The following CUX1 variants were observed in gnomAD, a reference collection of about 807,000 sequenced individuals.
CUX1 encodes the protein cut like homeobox 1.
CUX1 carries 31 observed loss-of-function variants against 158.8 expected under a neutral mutation model. The observed-to-expected ratio is 0.20, with a 90% CI of 0.15 to 0.26. CUX1 has a LOEUF of 0.26. CUX1 is among the 10% of genes least tolerant of loss of function. The pLI, the probability that CUX1 is intolerant of heterozygous loss-of-function variation, is 1.00. For synonymous variants in CUX1, 879 were observed against 862.1 expected (o/e 1.02, Z -0.34); for missense variants, 1,589 against 2,014.6 (o/e 0.79, Z 4.04).
At chr7:102,131,972 T>C (rs1833292334) in intron 8 of CUX1, among the ~76,000 whole-genome samples, 1 of 152,138 alleles carries the variant, frequency 6.6e-6, no homozygotes, top group Admixed American at 6.6e-5. Context: ...ACGCTCAGTT[T>C]AGATGTTTAA....
intron 3 of CUX1, among the ~76,000 whole-genome samples, chr7:102,032,175 C>T (rs1328193097): frequency 2.0e-5 from 3 of 151,976 alleles, no homozygotes; most frequent in African/African-American, 4.8e-5. Context: ...GTGATCCGCC[C>T]GCCTCAGCCT....
intron 1 of CUX1, chr7:101,913,193 GC>G (rs1803696260): frequency 3.5e-6 from 1 of 285,754 alleles, no homozygotes. Context: ...AAGATTTCAA[GC>G]CTTAAATCTG....
At chr7:102,166,613 C>A (rs1791065462) in intron 9 of CUX1, among the ~76,000 whole-genome samples, 1 of 152,178 alleles carries the variant, frequency 6.6e-6, no homozygotes, top group African/African-American at 2.4e-5. Flanking sequence ...GCCTCAGCTG[C>A]CAATGATGGG....
intron 2 of CUX1, among the ~76,000 whole-genome samples, chr7:102,017,164 C>T (rs371346623): frequency 1.7e-4 from 26 of 151,442 alleles, no homozygotes; most frequent in African/African-American, 5.8e-4. Context: ...ATTAGCCTGA[C>T]GTGGTAGTGG....
intron 11 of CUX1, among the ~76,000 whole-genome samples, chr7:102,187,245 G>C (rs929685738): frequency 6.6e-6 from 1 of 151,382 alleles, no homozygotes; most frequent in African/African-American, 2.4e-5. Context: ...CTGGAATCTC[G>C]GCACTTTGAG....
intron 8 of CUX1, among the ~76,000 whole-genome samples, chr7:102,144,347 G>A (rs1554501283): frequency 6.6e-6 from 1 of 151,842 alleles, no homozygotes; most frequent in East Asian, 1.9e-4. Context: ...AATTTCCGAC[G>A]TACGCGTGAC....
intron 2 of CUX1, among the ~76,000 whole-genome samples, chr7:101,965,405 C>T (rs1430117298): frequency 6.6e-6 from 1 of 152,118 alleles, no homozygotes; most frequent in East Asian, 1.9e-4. Context: ...CCTCCCAGAC[C>T]TGTTCTCCTT....
In CUX1 at chr7:102,256,864, T is replaced by C. The variant is rs1789952429; in HGVS notation, c.*7822T>C. 6.1e-6 allele frequency: 6 copies of C among 984,932 alleles called. No homozygotes were observed. Among genetic ancestry groups the C allele is most frequent in the Non-Finnish European group, 7.2e-6 (6 of 829,516 alleles). The allele number at this position is 984,932 out of a possible 1,614,324, so 61.0% of individuals were successfully genotyped here. ...GCATGGGTTGATACGTTTTGGTTGG[T>C]TTTTTGTTGTTGTTTTTCTTGCGTA... is the stretch of plus-strand genomic sequence containing the variant. On this transcript the variant is annotated 3_prime_UTR_variant, in exon 24 of 24. Transcript: ENST00000292535.
chr7:102,007,770 G>T (rs866504856), intron 2 of CUX1, among the ~76,000 whole-genome samples: 1 of 151,056 alleles, frequency 6.6e-6, no homozygotes, highest in African/African-American at 2.4e-5. Context: ...TTGAGATAGA[G>T]TCTCACTCTT....
intron 2 of CUX1, among the ~76,000 whole-genome samples, chr7:102,017,917 G>C (rs541979172): frequency 1.3e-5 from 2 of 152,282 alleles, no homozygotes; most frequent in Admixed American, 1.3e-4. Flanking sequence ...AGATACATCA[G>C]TAAATCACAG....
At chr7:102,053,799 T>A (rs898579321) in intron 3 of CUX1, among the ~76,000 whole-genome samples, 20 of 148,324 alleles carry the variant, frequency 1.3e-4, no homozygotes, top group South Asian at 4.3e-4. Context: ...GGTTGTCTTC[T>A]CACTTTTTTT....
chr7:101,993,507 C>CCCAGGGGAGCA (rs1815417180), intron 2 of CUX1, among the ~76,000 whole-genome samples: 1 of 152,180 alleles, frequency 6.6e-6, no homozygotes, highest in Non-Finnish European at 1.5e-5. Flanking sequence ...GGAGCACTTA[C>CCCAGGGGAGCA]CTTTTCATTT....
chr7:102,016,893 G>A lies in CUX1; in HGVS notation c.142-11205G>A, dbSNP rs149416911. 6.1e-3 allele frequency among the ~76,000 whole-genome samples: 926 copies of A among 152,362 alleles called. 16 individuals are homozygous for A. Among genetic ancestry groups the A allele is most frequent in the African/African-American group, 0.022 (899 of 41,586 alleles). On this transcript the variant is annotated intron_variant, in intron 2 of 23. Coordinates refer to ENST00000292535, the MANE Select transcript of CUX1 (RefSeq NM_181552.4). ...CCTAAGATCTGGAATAAATGACACA[G>A]TGGCAAAAGTCGGAGTCACACGTCC...
At chr7:102,268,460 T>C (rs1023539030) in intron 14 of CUX1, among the ~76,000 whole-genome samples, 1 of 152,126 alleles carries the variant, frequency 6.6e-6, no homozygotes, top group South Asian at 2.1e-4. Context: ...ATCCTCCTGC[T>C]GTCTCCCCTG....
rs1453971776 is a variant in CUX1 at position 102,248,161 on chromosome 7, G to A, written c.3888-251G>A. 6.6e-6 allele frequency among the ~76,000 whole-genome samples: 1 copy of A among 152,164 alleles called. No individual in the cohort carries two copies. The highest frequency in any genetic ancestry group is 1.5e-5 in the Non-Finnish European group (1 of 68,016). On this transcript the variant is annotated intron_variant, in intron 23 of 23. Transcript: ENST00000292535. This position sits in a 1 kb window ranked among gnomAD's most constrained non-coding sequence, Gnocchi z 5.8. ...ATAAAAATTAAAATAAGTGCCCGCG[G>A]CAATTTGTTGCAGTGGAGAATAGGG...
chr7:101,841,685 G>C (rs945614806), intron 1 of CUX1, among the ~76,000 whole-genome samples: 4 of 152,020 alleles, frequency 2.6e-5, no homozygotes, highest in Non-Finnish European at 5.9e-5. Flanking sequence ...AGTCTCCTGA[G>C]TAGCTGGGAG....
At chr7:101,984,572 C>T (rs943179839) in intron 2 of CUX1, among the ~76,000 whole-genome samples, 1 of 151,532 alleles carries the variant, frequency 6.6e-6, no homozygotes, top group Admixed American at 6.6e-5. Flanking sequence ...GGTGCAAGTC[C>T]TGCAGGACTG....
chr7:102,016,372 G>A (rs1818589656), intron 2 of CUX1, among the ~76,000 whole-genome samples: 1 of 152,236 alleles, frequency 6.6e-6, no homozygotes, highest in South Asian at 2.1e-4. Flanking sequence ...AGGCCCAGGA[G>A]GCACAGCAGC....
chr7:102,088,147 G>A (rs1554481171), intron 4 of CUX1, among the ~76,000 whole-genome samples: 2 of 151,994 alleles, frequency 1.3e-5, no homozygotes, highest in African/African-American at 4.8e-5. Flanking sequence ...ACAGGTGTGT[G>A]CCACCATGCC....
Sources: allele counts gnomAD v4.1 joint callset (sites outside exome capture counted in the v4.1 genomes callset), GRCh38; gene constraint gnomAD v4.1.1; non-coding constraint Gnocchi (gnomAD v3.1); transcripts MANE v1.5; gene names NCBI Gene and HGNC (gene_info 2026-07-23, HGNC 2026-07-21).